The following COL6A3 variants were observed in gnomAD, a reference collection of about 807,000 sequenced individuals.
COL6A3 encodes the protein collagen alpha-3(VI) chain.
COL6A3 carries 137 observed loss-of-function variants against 274.1 expected under a neutral mutation model. The ratio of observed to expected loss-of-function variants is 0.50; its 90% CI spans 0.44 to 0.58. The LOEUF is 0.58. COL6A3 is among the 20% of genes least tolerant of loss of function. The probability of loss-of-function intolerance (pLI) is 0.00; values close to 1 mark genes in which losing one functional copy is unlikely to be tolerated. For synonymous variants in COL6A3, 1,650 were observed against 1,650.6 expected (o/e 1.00, Z 0.01); for missense variants, 3,950 against 4,124.9 (o/e 0.96, Z 1.16).
chr2:237,396,083 G>T (rs2106390278), intron 2 of COL6A3, among the ~76,000 whole-genome samples: 1 of 152,346 alleles, frequency 6.6e-6, no homozygotes, highest in Admixed American at 6.5e-5. Flanking sequence ...CTGGCCTGGA[G>T]GAAGAATCCC....
In COL6A3 at chr2:237,394,781, A is replaced by G. The variant is rs2078387371; in HGVS notation, c.515T>C (p.Val172Ala). ...TGCATCCTCAACTCCAATTGCAAAC[A>G]CGTTAACATCAGCAGACTTAAGTTC... The part of the protein sequence containing the change: ...SAELKSADVN[V>A]FAIGVEDADE... The change falls in exon 3 of 44, where the codon GTG becomes GCG. Residue 172 changes from valine to alanine, a missense_variant. Coordinates refer to ENST00000295550, the MANE Select transcript of COL6A3 (RefSeq NM_004369.4). 2 of 1,614,200 alleles carry G rather than the reference A, an allele frequency of 1.2e-6. No homozygotes were observed. Among genetic ancestry groups the G allele is most frequent in the South Asian group, 2.2e-5 (2 of 91,090 alleles).
At chr2:237,389,822 C>T (rs1241926289) in intron 3 of COL6A3, among the ~76,000 whole-genome samples, 2 of 152,230 alleles carry the variant, frequency 1.3e-5, no homozygotes, top group African/African-American at 4.8e-5. Context: ...AATTGTTGTG[C>T]TACAGTAATT....
At position 237,365,773 on chromosome 2, in the gene COL6A3, G is replaced by T; in HGVS notation, c.5763C>A (p.His1921Gln). ...LEKFRNMRSQ[H>Q]PYVLTEDTLK... ...GGGTGTCCTCCGTGAGGACGTAGGGGTGCTGGCTGCGCATGTTCCGGAACT... is the reference window on the plus strand; with the variant it reads ...GGGTGTCCTCCGTGAGGACGTAGGGTTGCTGGCTGCGCATGTTCCGGAACT... Residue 1921 changes from histidine (H) to glutamine (Q), a missense_variant, in exon 12 of 44, where the codon CAC becomes CAA. Transcript: ENST00000295550. The T allele has an allele frequency of 6.2e-7, 1 of 1,614,182 alleles. No homozygotes were observed. The highest frequency in any genetic ancestry group is 8.5e-7 in the Non-Finnish European group (1 of 1,180,034).
Position 237,364,336 on chromosome 2 carries a change from G to T in COL6A3, c.5917+14C>A. 6.2e-7 allele frequency: 1 copy of T among 1,608,226 alleles called. No homozygotes were observed. The highest frequency in any genetic ancestry group is 8.5e-7 in the Non-Finnish European group (1 of 1,174,980). On this transcript the variant is annotated intron_variant, in intron 13 of 43. Transcript: ENST00000295550. The surrounding 1 kb of genome is among the most constrained non-coding windows in gnomAD (Gnocchi z 4.6). The stretch of plus-strand genomic sequence containing the variant: ...AGGGTTTACTTCTCATATTTAGAAA[G>T]CCTTGGCACCTACCTTCTTGGCGGA...
At chr2:237,397,437 A>AAGAAAGAAAGAG (rs1208268507) in intron 1 of COL6A3, among the ~76,000 whole-genome samples, 6 of 146,758 alleles carry the variant, frequency 4.1e-5, no homozygotes, top group African/African-American at 1.3e-4. Context: ...GAGAGAAGGA[A>AAGAAAGAAAGAG]AGAAAGAAAG....
At position 237,324,828 on chromosome 2, in the gene COL6A3, G is replaced by C. The variant is rs1482056184; in HGVS notation, c.9494-14C>G. 6.2e-7 allele frequency: 1 copy of C among 1,613,014 alleles called. No homozygotes were observed. Among genetic ancestry groups the C allele is most frequent in the Non-Finnish European group, 8.5e-7 (1 of 1,179,948 alleles). On this transcript the variant is annotated splice_polypyrimidine_tract_variant and intron_variant, in intron 43 of 43. Coordinates refer to ENST00000295550, the MANE Select transcript of COL6A3 (RefSeq NM_004369.4). The stretch of plus-strand genomic sequence containing the variant: ...GTTTGGCGAGCACTGAGCGTCGAGA[G>C]AGGGGGTGGGTGGGGTGAGGTGAGG...
At chr2:237,326,353 A>C (rs1197621187) in intron 42 of COL6A3, 1 of 152,188 alleles carries the variant, frequency 6.6e-6, no homozygotes, top group Non-Finnish European at 1.5e-5. Flanking sequence ...ACTGATGTAA[A>C]ATTCATGATG....
Position 237,344,497 on chromosome 2 carries a change from T to G in COL6A3, c.7521A>C (p.Leu2507=). The G allele has an allele frequency of 6.2e-7, 1 of 1,614,174 alleles. No homozygotes were observed. Among genetic ancestry groups the G allele is most frequent in the South Asian group, 1.1e-5 (1 of 91,076 alleles). ...TGAAGAAAACAGCCACTTTCCTCAT[T>G]AGGAATCCGTTCCTCACACGCTTAA... ...NTFKRVRNGF[L]MRKVAVFFSN... is the part of the protein sequence containing the mutation. The change falls in exon 36 of 44, where the codon CTA becomes CTC. Residue 2507 remains leucine (L), a synonymous_variant. Coordinates refer to ENST00000295550, the MANE Select transcript of COL6A3 (RefSeq NM_004369.4). This position sits in a 1 kb window ranked among gnomAD's most constrained non-coding sequence, Gnocchi z 4.8.
In COL6A3 at chr2:237,341,059, G is replaced by A; in HGVS notation, c.7857C>T (p.Asp2619=). 6.2e-7 allele frequency: 1 copy of A among 1,614,162 alleles called. No homozygotes were observed. Among genetic ancestry groups the A allele is most frequent in the South Asian group, 1.1e-5 (1 of 91,072 alleles). The change falls in exon 38 of 44, where the codon GAC becomes GAT. Residue 2619 remains aspartate, a synonymous_variant. Transcript: ENST00000295550. The stretch of plus-strand genomic sequence containing the variant: ...CAGCGCTGTCTAAGATGAAAGCCAT[G>A]TCGATGTCCACATCGCTCCCTGCCG... ...RRAAGSDVDI[D]MAFILDSAET...
rs754060767 is a variant in COL6A3 at position 237,377,136 on chromosome 2, A to T, written c.2706T>A (p.Leu902=). 6.2e-7 allele frequency: 1 copy of T among 1,614,144 alleles called. No individual in the cohort carries two copies. Among genetic ancestry groups the T allele is most frequent in the East Asian group, 2.2e-5 (1 of 44,882 alleles). ...EHQSKPEILN[L]VKRMKIKTGK... ...CCGTCTTGATCTTCATTCTCTTCAC[A>T]AGATTCAGGATCTCAGGCTTACTCT... The change falls in exon 7 of 44, where the codon CTT becomes CTA. Residue 902 remains leucine (L), a synonymous_variant. Transcript: ENST00000295550.
Position 237,340,952 on chromosome 2 carries a change from G to A in COL6A3, c.7964C>T (p.Pro2655Leu), listed in dbSNP as rs530561703. The change falls in exon 38 of 44, where the codon CCC becomes CTC. Residue 2655 changes from proline to leucine, a missense_variant. Physicochemically the swap from Pro to Leu is moderately conservative, Grantham distance 98. Around this residue, in one of 5 missense-constraint regions of COL6A3, gnomAD observed 1,284 missense variants for 1,349.7 expected, o/e 0.95. Transcript: ENST00000295550. ...LVRQLDMSPD[P>L]KASQHFARVA... ...TCTGGCGAAGTGCTGGGAGGCCTTG[G>A]GATCTGGGCTCATGTCCAGTTGTCT... 3.1e-6 allele frequency: 5 copies of A among 1,614,054 alleles called. No individual in the cohort carries two copies. The South Asian group carries it at 5.5e-5, about 18-fold the overall frequency.
chr2:237,394,835 G>A lies in COL6A3; in HGVS notation c.461C>T (p.Ser154Leu), dbSNP rs147701785. 116 of 1,613,904 alleles carry A rather than the reference G, an allele frequency of 7.2e-5. No homozygotes were observed. The highest frequency in any genetic ancestry group is 9.1e-5 in the Non-Finnish European group (107 of 1,179,980). ...QVIVVLTDGH[S>L]KDGLALPSAE... ...TGAGGGCAGAGCAAGGCCATCCTTC[G>A]AGTGTCCATCAGTTAACACTACGAT... The change falls in exon 3 of 44, where the codon TCG becomes TTG. Residue 154 changes from serine (S) to leucine (L), a missense_variant. By Grantham distance (145) the Ser-to-Leu change is moderately radical (BLOSUM62 -2). Coordinates refer to ENST00000295550, the MANE Select transcript of COL6A3 (RefSeq NM_004369.4).
rs556983450 is a variant in COL6A3, at chr2:237,409,537, G to T, written c.-31+4416C>A. The stretch of plus-strand genomic sequence containing the variant: ...AAAGGGTTAGGTTTTTGTTTTTTTT[G>T]TTTGTTTGTTTGTTTGTTTGTTTTG... On this transcript the variant is annotated intron_variant, in intron 1 of 43. Coordinates refer to ENST00000295550, the MANE Select transcript of COL6A3 (RefSeq NM_004369.4). Among the ~76,000 whole-genome samples, 747 of 151,154 alleles carry T rather than the reference G, an allele frequency of 4.9e-3. 7 individuals are homozygous for T. The highest frequency in any genetic ancestry group is 0.011 in the African/African-American group (458 of 40,962).
chr2:237,374,458 C>T lies in COL6A3; in HGVS notation c.3633G>A (p.Glu1211=), dbSNP rs2077776994. ...ISERVTQLTR[E]ELSRLQPVLQ... ...ACACCGGCTGCAGCCTGCTCAGCTC[C>T]TCGCGGGTGAGCTGGGTCACCCTCT... Residue 1211 remains glutamate, a synonymous_variant, in exon 8 of 44, where the codon GAG becomes GAA. Coordinates refer to ENST00000295550, the MANE Select transcript of COL6A3 (RefSeq NM_004369.4). This position sits in a 1 kb window ranked among gnomAD's most constrained non-coding sequence, Gnocchi z 4.8. The T allele has an allele frequency of 6.2e-7, 1 of 1,613,774 alleles. No homozygotes were observed. The highest frequency in any genetic ancestry group is 1.1e-5 in the South Asian group (1 of 91,086).
chr2:237,407,529 G>A lies in COL6A3; in HGVS notation c.-31+6424C>T, dbSNP rs1020414591. 1.3e-5 allele frequency among the ~76,000 whole-genome samples: 2 copies of A among 152,218 alleles called. No individual in the cohort carries two copies. The highest frequency in any genetic ancestry group is 6.5e-5 in the Admixed American group (1 of 15,282). On this transcript the variant is annotated intron_variant, in intron 1 of 43. Transcript: ENST00000295550. The surrounding 1 kb of genome is among the most constrained non-coding windows in gnomAD (Gnocchi z 4.3). ...CAATGCCCTCCCTCTGTGAATGAGA[G>A]CACCTGTAAGAATATGCCGACCTGC...
At chr2:237,335,331 G>T (rs369063137) in intron 40 of COL6A3, among the ~76,000 whole-genome samples, 1 of 152,186 alleles carries the variant, frequency 6.6e-6, no homozygotes, top group South Asian at 2.1e-4. Flanking sequence ...ATTTTATCAT[G>T]AGCCTTCCTT....
At chr2:237,345,664 G>A (rs1253383588) in intron 32 of COL6A3, among the ~76,000 whole-genome samples, 1 of 152,122 alleles carries the variant, frequency 6.6e-6, no homozygotes, top group Non-Finnish European at 1.5e-5. Context: ...CTGACTCGTG[G>A]CTTCCCTCAG....
intron 21 of COL6A3, 126 bp from the exon 22 acceptor site, chr2:237,358,008 C>T: frequency 3.4e-6 from 3 of 880,782 alleles, no homozygotes; most frequent in Non-Finnish European, 3.9e-6. Context: ...AGCCCTTCGG[C>T]CACAACCCAT....
intron 1 of COL6A3, among the ~76,000 whole-genome samples, chr2:237,410,271 G>C (rs1007397146): frequency 6.6e-6 from 1 of 151,104 alleles, no homozygotes; most frequent in African/African-American, 2.4e-5. Flanking sequence ...AACAGACCAG[G>C]ATGAACGTGC....
Sources: gnomAD v4.1 joint callset for allele counts (sites outside exome capture counted in the v4.1 genomes callset) on GRCh38, gnomAD v4.1.1 for gene constraint, gnomAD v4.1.1 regional missense constraint, Gnocchi (gnomAD v3.1) non-coding constraint, MANE v1.5 for transcripts, NCBI Gene and HGNC (gene_info 2026-07-23, HGNC 2026-07-21) for gene names.